FMN1: variants seen among roughly 807,000 people sequenced by gnomAD.
FMN1 encodes formin-1.
In FMN1, 110 loss-of-function variants were observed where a neutral mutation model predicts 132.4. The ratio of observed to expected loss-of-function variants is 0.83; its 90% CI spans 0.71 to 0.97. The LOEUF is 0.97. Ranked by LOEUF, FMN1 falls within the 50% of genes least tolerant of loss-of-function variation. FMN1 has a pLI of 0.00. For synonymous variants in FMN1, 722 were observed against 651.7 expected, an observed-to-expected ratio of 1.11 and a Z score of -1.64; for missense variants, 1,792 against 1,705.3, an observed-to-expected ratio of 1.05 and a Z score of -0.90.
intron 9 of FMN1, among the ~76,000 whole-genome samples, chr15:32,958,326 C>T (rs982681227): frequency 1.3e-5 from 2 of 152,130 alleles, no homozygotes; most frequent in Non-Finnish European, 2.9e-5. Flanking sequence ...GGCAAGTTAC[C>T]ATTTAAATAA....
chr15:33,113,435 T>C (rs1478613336), intron 4 of FMN1, among the ~76,000 whole-genome samples: 1 of 152,204 alleles, frequency 6.6e-6, no homozygotes, highest in Non-Finnish European at 1.5e-5. Flanking sequence ...ATTTTTGTTG[T>C]TGTCTTATAC....
At position 32,971,146 on chromosome 15, in the gene FMN1, C is replaced by G. The variant is rs116743752; in HGVS notation, c.2224-1669G>C. ...TGTAAAGTATAAATAATAGCCATCT[C>G]TAGGACTTTTATAAAAGTAAAATGA... On this transcript the variant is annotated intron_variant, in intron 7 of 20. Transcript: ENST00000616417. Among the ~76,000 whole-genome samples the G allele has an allele frequency of 7.3e-3, 1,118 of 152,238 alleles. 9 individuals are homozygous for G. The highest frequency in any genetic ancestry group is 0.025 in the African/African-American group (1,058 of 41,520).
Position 33,154,733 on chromosome 15 carries a change from CTGA to C in FMN1, c.179_181del (p.Ile60del), listed in dbSNP as rs1443302550. On this transcript the variant is annotated inframe_deletion, in exon 4 of 21. Transcript: ENST00000616417. ...ATGTTCGTCCGGCTCCTGGCTGAGG[CTGA>C]TGATGTCTGACTCCTCCCTGACTTG... is the stretch of plus-strand genomic sequence containing the variant. 2 of 1,535,994 alleles carry C rather than the reference CTGA, an allele frequency of 1.3e-6. No individual in the cohort carries two copies. The highest frequency in any genetic ancestry group is 1.7e-6 in the Non-Finnish European group (2 of 1,146,924).
chr15:32,964,014 G>GACAC (rs1555505885), intron 9 of FMN1, 93 bp downstream of exon 9: 6 of 342,996 alleles, frequency 1.7e-5, no homozygotes, highest in East Asian at 5.6e-5. Context: ...GTGTATATAC[G>GACAC]ATACACACAC....
chr15:32,895,908 T>TCA (rs1300565685), intron 15 of FMN1, among the ~76,000 whole-genome samples: 1 of 152,174 alleles, frequency 6.6e-6, no homozygotes. Flanking sequence ...GTCATCATTC[T>TCA]CACCTTTTAT....
chr15:32,804,738 C>T (rs930255376), intron 17 of FMN1, among the ~76,000 whole-genome samples: 1 of 150,258 alleles, frequency 6.7e-6, no homozygotes, highest in African/African-American at 2.5e-5. Flanking sequence ...TCAACTCCCA[C>T]CTATGAGTGA....
At chr15:33,052,904 C>T (rs142211507) in intron 6 of FMN1, among the ~76,000 whole-genome samples, 1 of 152,096 alleles carries the variant, frequency 6.6e-6, no homozygotes, top group African/African-American at 2.4e-5. Flanking sequence ...TATTCACAAA[C>T]CAATCAGCAT....
chr15:32,823,100 C>A (rs1346770542), intron 17 of FMN1, among the ~76,000 whole-genome samples: 1 of 151,346 alleles, frequency 6.6e-6, no homozygotes, highest in Non-Finnish European at 1.5e-5. Flanking sequence ...CCTTTCTCTC[C>A]TACCCACGAG....
At position 32,968,266 on chromosome 15, in the gene FMN1, C is replaced by T. The variant is rs148458356; in HGVS notation, c.2987+448G>A. ...TTCTTTTAATAAAAACTGAAGAACA[C>T]CCATTTCTGTTAAATATCTAGATTA... is the stretch of plus-strand genomic sequence containing the variant. On this transcript the variant is annotated intron_variant, in intron 8 of 20. Coordinates refer to ENST00000616417, the MANE Select transcript of FMN1 (RefSeq NM_001277313.2). Among the ~76,000 whole-genome samples, 700 of 152,206 alleles carry T rather than the reference C, an allele frequency of 4.6e-3. 4 individuals are homozygous for T. Among genetic ancestry groups the T allele is most frequent in the Non-Finnish European group, 7.9e-3 (538 of 68,008 alleles).
intron 7 of FMN1, 74 bp downstream of exon 7, chr15:33,007,940 A>G (rs978394325): frequency 3.9e-6 from 5 of 1,275,096 alleles, no homozygotes; most frequent in Non-Finnish European, 5.6e-6. Flanking sequence ...CTTAAGAGGA[A>G]TATTTACTTC....
chr15:32,810,825 G>T, intron 17 of FMN1: 2 of 378,458 alleles, frequency 5.3e-6, no homozygotes, highest in South Asian at 4.0e-5. Flanking sequence ...TCTTTACACA[G>T]TCTATTACAC....
chr15:32,820,712 T>C (rs1485034660), intron 17 of FMN1, among the ~76,000 whole-genome samples: 1 of 152,216 alleles, frequency 6.6e-6, no homozygotes, highest in Non-Finnish European at 1.5e-5. Context: ...ACAATGATAG[T>C]ATAATTTAAT....
In FMN1 at chr15:32,872,143, C is replaced by T. The variant is rs531837189; in HGVS notation, c.3836-15036G>A. On this transcript the variant is annotated intron_variant, in intron 16 of 20. Transcript: ENST00000616417. ...GCTGTCTGAACTTGGGGGAAGTGTACAGCAAACTTACATCAAACACTCAGA... is the reference window on the plus strand; with the variant it reads ...GCTGTCTGAACTTGGGGGAAGTGTATAGCAAACTTACATCAAACACTCAGA... 2.0e-5 allele frequency among the ~76,000 whole-genome samples: 3 copies of T among 151,674 alleles called. No individual in the cohort carries two copies. In the South Asian group the frequency reaches 6.2e-4, roughly 32 times the overall value.
chr15:32,815,270 A>T (rs2058022012), intron 17 of FMN1, among the ~76,000 whole-genome samples: 1 of 152,128 alleles, frequency 6.6e-6, no homozygotes, highest in Non-Finnish European at 1.5e-5. Flanking sequence ...TCTTCTTTAA[A>T]GTAGTGTTCT....
chr15:33,103,285 CCAAGAGACCTTGG>C (rs2039362985), intron 4 of FMN1, among the ~76,000 whole-genome samples: 1 of 152,072 alleles, frequency 6.6e-6, no homozygotes, highest in South Asian at 2.1e-4. Context: ...CTCTTACTAG[CCAAGAGACCTTGG>C]CAATTTGTTT....
At position 32,767,698 on chromosome 15, in the gene FMN1, A is replaced by C. The variant is rs2056093555; in HGVS notation, c.*6612T>G. The C allele has an allele frequency of 6.6e-6, 1 of 152,230 alleles. No homozygotes were observed. The highest frequency in any genetic ancestry group is 1.5e-5 in the Non-Finnish European group (1 of 68,042). The allele number at this position is 152,230 out of a possible 1,614,324, so 9.4% of individuals were successfully genotyped here. On this transcript the variant is annotated 3_prime_UTR_variant, in exon 21 of 21. Coordinates refer to ENST00000616417, the MANE Select transcript of FMN1 (RefSeq NM_001277313.2). ...GAAGATAAGACATCTAGCTGACAGT[A>C]GGGTCATATTACTTATGCCTTGGGA...
intron 8 of FMN1, among the ~76,000 whole-genome samples, chr15:32,965,906 C>T (rs984694865): frequency 8.5e-5 from 13 of 152,100 alleles, no homozygotes; most frequent in Non-Finnish European, 1.5e-4. Flanking sequence ...CAGCCATACC[C>T]CTCTGCTACT....
intron 8 of FMN1, 100 bp from the exon 9 acceptor site, chr15:32,964,357 TAAA>T: frequency 1.1e-6 from 1 of 873,114 alleles, no homozygotes; most frequent in Admixed American, 2.5e-5. Context: ...TTCATTTTTC[TAAA>T]AAAACACATA....
chr15:32,889,674 C>T (rs949675619), intron 15 of FMN1, among the ~76,000 whole-genome samples: 6 of 152,290 alleles, frequency 3.9e-5, no homozygotes, highest in Admixed American at 6.5e-5. Flanking sequence ...TTAAAACAAA[C>T]GTCCTTCCTT....
Sources: allele counts gnomAD v4.1 joint callset (sites outside exome capture counted in the v4.1 genomes callset), GRCh38; gene constraint gnomAD v4.1.1; transcripts MANE v1.5; gene names NCBI Gene and HGNC (gene_info 2026-07-23, HGNC 2026-07-21).